Variants in NOMO3 observed in about 807,000 individuals in gnomAD.
The protein encoded by NOMO3 is BOS complex subunit NOMO3.
A neutral mutation model predicts 69.9 loss-of-function variants in NOMO3; 15 were observed. The ratio of observed to expected loss-of-function variants is 0.21; its 90% CI spans 0.14 to 0.33. The LOEUF (loss-of-function observed/expected upper bound fraction) is 0.33, where lower values mean the gene tolerates loss of function less well. Among genes scored for constraint, NOMO3 ranks in the 10% least tolerant of loss-of-function variants. The pLI is 1.00. For missense variants in NOMO3, 218 were observed against 761.0 expected (o/e 0.29, Z 8.39); for synonymous variants, 89 against 301.9 (o/e 0.29, Z 7.31).
At chr16:16,239,492 A>G (rs1193236724) in intron 2 of NOMO3, among the ~76,000 whole-genome samples, 2 of 145,982 alleles carry the variant, frequency 1.4e-5, no homozygotes, top group Non-Finnish European at 3.0e-5. Flanking sequence ...GTTCCTGAAG[A>G]TACATGCTAA....
chr16:16,268,496 C>G (rs1289012152), intron 16 of NOMO3, among the ~76,000 whole-genome samples: 1 of 144,040 alleles, frequency 6.9e-6, no homozygotes, highest in Non-Finnish European at 1.5e-5. Flanking sequence ...AATTCAGTGG[C>G]TCCTCCGTTT....
At chr16:16,255,437 G>A (rs1473791054) in intron 9 of NOMO3, among the ~76,000 whole-genome samples, 2 of 134,096 alleles carry the variant, frequency 1.5e-5, no homozygotes, top group Admixed American at 7.2e-5. Flanking sequence ...AGGGTGGGGG[G>A]CTTCTAGAAG....
chr16:16,234,144 A>G (rs2141244109), intron 1 of NOMO3, among the ~76,000 whole-genome samples: 1 of 151,880 alleles, frequency 6.6e-6, no homozygotes, highest in Admixed American at 6.5e-5. Flanking sequence ...GGCTCCTAGG[A>G]TTTCCTGGGT....
At chr16:16,265,316 A>C in intron 15 of NOMO3, 137 bp downstream of exon 15, 1 of 1,534,966 alleles carries the variant, frequency 6.5e-7, no homozygotes, top group Non-Finnish European at 8.7e-7. Flanking sequence ...CCCACCTGTT[A>C]CGCAACGCAT....
In NOMO3 at chr16:16,265,423, G is replaced by T. The variant is rs200912805; in HGVS notation, c.1806+244G>T. On this transcript the variant is annotated intron_variant, in intron 15 of 30. Transcript: ENST00000399336. The stretch of plus-strand genomic sequence containing the variant: ...CACTAAATCTGACTGGTGATTCGGG[G>T]TGACCTTTGGTACAGTGTAGAGCAC... Among the ~76,000 whole-genome samples the T allele has an allele frequency of 9.7e-4, 136 of 140,138 alleles. 16 individuals carry two copies. In the East Asian group the frequency reaches 0.013, roughly 13 times the overall value. 91.9% of individuals were successfully genotyped at this position (140,138 alleles called of 152,430 possible). A position where few individuals can be genotyped will look rare whatever the true frequency, so the allele number is the denominator to read the frequency against.
intron 11 of NOMO3, among the ~76,000 whole-genome samples, chr16:16,258,778 T>C (rs564838546): frequency 7.1e-6 from 1 of 141,532 alleles, no homozygotes; most frequent in Non-Finnish European, 1.5e-5. Context: ...GGCAGGAGAA[T>C]CGCTTGAACC....
chr16:16,263,347 A>G, intron 13 of NOMO3, 132 bp downstream of exon 13: 1 of 1,579,768 alleles, frequency 6.3e-7, no homozygotes, highest in Non-Finnish European at 8.5e-7. Context: ...GGCTTCTTGG[A>G]GTCAGGTGGG....
intron 6 of NOMO3, among the ~76,000 whole-genome samples, chr16:16,249,486 G>C (rs1193142758): frequency 7.3e-6 from 1 of 136,264 alleles, no homozygotes; most frequent in Non-Finnish European, 1.5e-5. Flanking sequence ...GGAGGCTGAG[G>C]CAGGAGAATC....
intron 2 of NOMO3, among the ~76,000 whole-genome samples, chr16:16,238,352 C>T (rs896814159): frequency 1.5e-5 from 2 of 136,992 alleles, no homozygotes; most frequent in Admixed American, 7.1e-5. Context: ...TCTGCCTCAG[C>T]CTCCCAAGTA....
intron 1 of NOMO3, among the ~76,000 whole-genome samples, chr16:16,235,676 C>T: frequency 6.9e-6 from 1 of 144,876 alleles, no homozygotes; most frequent in Non-Finnish European, 1.5e-5. Context: ...GCCATCATGC[C>T]TAGCTAATTT....
At chr16:16,268,382 C>T (rs1322030506) in intron 16 of NOMO3, among the ~76,000 whole-genome samples, 1 of 146,022 alleles carries the variant, frequency 6.8e-6, no homozygotes, top group African/African-American at 2.7e-5. Flanking sequence ...CCGGTTTCTT[C>T]ACCTCCTTCG....
chr16:16,237,990 C>T (rs2049342914), intron 2 of NOMO3, among the ~76,000 whole-genome samples: 2 of 143,678 alleles, frequency 1.4e-5, no homozygotes, highest in Non-Finnish European at 3.0e-5. Context: ...ACAAACACCT[C>T]TATACAATCC....
In NOMO3 at chr16:16,241,286, C is replaced by T. The variant is rs960189847; in HGVS notation, c.301+1390C>T. ...ATCATGCAGGGAACTTTTTAATATC[C>T]GGTTTCTTTCACTCAACATTATGAA... On this transcript the variant is annotated intron_variant, in intron 3 of 30. Transcript: ENST00000399336. 1.1e-3 allele frequency among the ~76,000 whole-genome samples: 154 copies of T among 142,904 alleles called. 5 individuals carry two copies. Among genetic ancestry groups the T allele is most frequent in the African/African-American group, 1.3e-3 (48 of 36,030 alleles). 93.8% of individuals were successfully genotyped at this position (142,904 alleles called of 152,430 possible).
chr16:16,237,534 G>GGTTTTTTTGTT (rs2049336572), intron 2 of NOMO3, among the ~76,000 whole-genome samples: 1 of 142,658 alleles, frequency 7.0e-6, no homozygotes. Flanking sequence ...ATCTGATAAA[G>GGTTTTTTTGTT]GTTTTTTTTG....
At chr16:16,255,122 A>G (rs1023296232) in intron 9 of NOMO3, among the ~76,000 whole-genome samples, 2 of 143,714 alleles carry the variant, frequency 1.4e-5, no homozygotes, top group African/African-American at 5.7e-5. Flanking sequence ...CATGTTGGCC[A>G]GGCTGGTCTT....
At chr16:16,270,322 A>G (rs2049652382) in intron 17 of NOMO3, 138 bp downstream of exon 17, 4 of 1,273,320 alleles carry the variant, frequency 3.1e-6, no homozygotes, top group African/African-American at 2.0e-5. Flanking sequence ...GCATTTCTAG[A>G]TAAGGATTTT....
chr16:16,266,157 G>A (rs1235284596), intron 15 of NOMO3, among the ~76,000 whole-genome samples: 2 of 139,182 alleles, frequency 1.4e-5, no homozygotes, highest in South Asian at 2.3e-4. Context: ...GATGTCGAGC[G>A]GCGGCAGATG....
At chr16:16,256,345 G>A (rs1196288787) in intron 11 of NOMO3, among the ~76,000 whole-genome samples, 187 bp downstream of exon 11, 1 of 119,708 alleles carries the variant, frequency 8.4e-6, no homozygotes, top group Non-Finnish European at 1.6e-5. Context: ...GTGCCATCTC[G>A]ACTCACTGCA....
rs137882049 is a variant in NOMO3, at chr16:16,235,222, C to G, written c.166-1679C>G. 1.8e-3 allele frequency among the ~76,000 whole-genome samples: 277 copies of G among 151,226 alleles called. 24 individuals are homozygous for G. The highest frequency in any genetic ancestry group is 6.4e-3 in the African/African-American group (260 of 40,540). ...AAATGTTCGTTTTATGAGTTAGTCA[C>G]TTTGTACATCATCTTAGCTGGTGAG... On this transcript the variant is annotated intron_variant, in intron 1 of 30. Transcript: ENST00000399336.
Sources: allele counts gnomAD v4.1 joint callset (sites outside exome capture counted in the v4.1 genomes callset), GRCh38; gene constraint gnomAD v4.1.1; transcripts MANE v1.5; gene names NCBI Gene and HGNC (gene_info 2026-07-23, HGNC 2026-07-21).